Variants in RNLS observed in about 807,000 individuals in gnomAD.
RNLS encodes renalase, FAD dependent amine oxidase.
Under a neutral mutation model 39.8 loss-of-function variants are expected in RNLS, and 39 were observed. The observed-to-expected ratio is 0.98, with a 90% CI of 0.76 to 1.28. The LOEUF (loss-of-function observed/expected upper bound fraction) is 1.28, where lower values mean the gene tolerates loss of function less well. Ranked by LOEUF, RNLS falls within the 50% of genes most tolerant of loss-of-function variation. The probability of loss-of-function intolerance (pLI) is 0.00; values close to 1 mark genes in which losing one functional copy is unlikely to be tolerated. For synonymous variants in RNLS, 147 were observed against 150.7 expected, an observed-to-expected ratio of 0.98 and a Z score of 0.18; for missense variants, 410 against 413.3, an observed-to-expected ratio of 0.99 and a Z score of 0.07.
the RNLS span, among the ~76,000 whole-genome samples, chr10:88,245,380 C>A: frequency 6.6e-6 from 1 of 152,158 alleles, no homozygotes; most frequent in African/African-American, 2.4e-5. Flanking sequence ...GCAGAATGAT[C>A]TCAGGCAAAG....
At chr10:88,303,288 T>TG (rs988592384) in intron 6 of RNLS, among the ~76,000 whole-genome samples, 4 of 152,212 alleles carry the variant, frequency 2.6e-5, no homozygotes, top group African/African-American at 9.6e-5. Context: ...CAGCCAGGGA[T>TG]GGCCATGCCC....
At position 88,509,575 on chromosome 10, in the gene RNLS, G is replaced by C. The variant is rs533623595; in HGVS notation, c.526+63328C>G. ...AAAGATTAAAATATATAAAGCATTT[G>C]ATTGCCTTTTTAAAAATGCCACAAA... On this transcript the variant is annotated intron_variant, in intron 4 of 6. Coordinates refer to ENST00000331772, the MANE Select transcript of RNLS (RefSeq NM_001031709.3). Among the ~76,000 whole-genome samples, 94 of 152,118 alleles carry C rather than the reference G, an allele frequency of 6.2e-4. 1 individual carries two copies. Among genetic ancestry groups the C allele is most frequent in the Non-Finnish European group, 1.0e-3 (71 of 68,004 alleles).
At chr10:88,318,054 C>T (rs1264307673) in intron 5 of RNLS, among the ~76,000 whole-genome samples, 1 of 152,194 alleles carries the variant, frequency 6.6e-6, no homozygotes, top group African/African-American at 2.4e-5. Context: ...GTTAAGCATG[C>T]CTACACTCCC....
At chr10:88,474,565 C>T (rs2062822624) in intron 4 of RNLS, among the ~76,000 whole-genome samples, 1 of 152,114 alleles carries the variant, frequency 6.6e-6, no homozygotes, top group African/African-American at 2.4e-5. Flanking sequence ...AATAATACCT[C>T]TTCAAGTTGG....
At chr10:88,441,173 C>A (rs1841688478) in intron 4 of RNLS, among the ~76,000 whole-genome samples, 1 of 152,118 alleles carries the variant, frequency 6.6e-6, no homozygotes, top group Non-Finnish European at 1.5e-5. Context: ...TTTTCTATGC[C>A]TATTAACGTG....
chr10:88,235,118 C>A, the RNLS span, among the ~76,000 whole-genome samples: 1 of 151,568 alleles, frequency 6.6e-6, no homozygotes, highest in African/African-American at 2.4e-5. Flanking sequence ...AAAAATTAGC[C>A]GGGCGTCGGG....
the RNLS span, among the ~76,000 whole-genome samples, chr10:88,188,282 C>G: frequency 6.6e-6 from 1 of 152,202 alleles, no homozygotes; most frequent in Admixed American, 6.5e-5. Context: ...GCCTCAAACT[C>G]CTGACCTCAA....
At chr10:88,414,016 T>C (rs1351929330) in intron 4 of RNLS, among the ~76,000 whole-genome samples, 1 of 152,170 alleles carries the variant, frequency 6.6e-6, no homozygotes, top group Non-Finnish European at 1.5e-5. Context: ...GGTATTAATA[T>C]AAATATCATG....
intron 4 of RNLS, among the ~76,000 whole-genome samples, chr10:88,487,538 C>T (rs181638340): frequency 6.6e-6 from 1 of 152,216 alleles, no homozygotes; most frequent in East Asian, 1.9e-4. Context: ...GATACCACTA[C>T]ACACTCGTTA....
At chr10:88,370,094 C>T (rs574378112) in intron 4 of RNLS, among the ~76,000 whole-genome samples, 9 of 152,132 alleles carry the variant, frequency 5.9e-5, no homozygotes, top group Admixed American at 2.6e-4. Context: ...TCTAGGAAAG[C>T]ACTCTGAAGC....
intron 4 of RNLS, among the ~76,000 whole-genome samples, chr10:88,366,095 TATAA>T (rs1254947006): frequency 6.6e-6 from 1 of 152,114 alleles, no homozygotes; most frequent in Non-Finnish European, 1.5e-5. Context: ...GAAAGGCCAT[TATAA>T]ATAAATAATC....
chr10:88,219,873 G>T, the RNLS span, among the ~76,000 whole-genome samples: 1 of 152,170 alleles, frequency 6.6e-6, no homozygotes, highest in Non-Finnish European at 1.5e-5. Flanking sequence ...CTGTCCCCCT[G>T]CTCCTGAGCT....
At chr10:88,206,540 C>T in the RNLS span, among the ~76,000 whole-genome samples, 2 of 152,158 alleles carry the variant, frequency 1.3e-5, no homozygotes, top group African/African-American at 2.4e-5. Context: ...AGGGCCCCAA[C>T]TGGCAGGGAC....
chr10:88,417,263 A>C (rs534333325), intron 4 of RNLS, among the ~76,000 whole-genome samples: 1 of 152,306 alleles, frequency 6.6e-6, no homozygotes, highest in South Asian at 2.1e-4. Context: ...GTAGCCTCAA[A>C]CTTGGATTTG....
At chr10:88,519,386 A>C (rs1846583763) in intron 4 of RNLS, among the ~76,000 whole-genome samples, 1 of 151,788 alleles carries the variant, frequency 6.6e-6, no homozygotes. Context: ...CATAATTATC[A>C]TTCCCTTAAT....
At chr10:88,412,633 G>A (rs189416030) in intron 4 of RNLS, among the ~76,000 whole-genome samples, 2 of 152,284 alleles carry the variant, frequency 1.3e-5, no homozygotes. Context: ...GGCGTCATAG[G>A]AAGGTAGTTT....
the RNLS span, among the ~76,000 whole-genome samples, chr10:88,189,178 G>T: frequency 1.3e-5 from 2 of 152,296 alleles, no homozygotes; most frequent in East Asian, 3.9e-4. Flanking sequence ...AAATAAATGT[G>T]TGGGTATGTA....
At chr10:88,363,092 A>C (rs1399296834) in intron 4 of RNLS, among the ~76,000 whole-genome samples, 1 of 152,174 alleles carries the variant, frequency 6.6e-6, no homozygotes, top group Non-Finnish European at 1.5e-5. Flanking sequence ...TATATACTTG[A>C]CATAAGCATT....
intron 4 of RNLS, among the ~76,000 whole-genome samples, chr10:88,532,995 T>C (rs147587695): frequency 6.6e-6 from 1 of 152,144 alleles, no homozygotes; most frequent in Non-Finnish European, 1.5e-5. Context: ...GCTGCAAAAG[T>C]CAAAATCATG....
Sources: gnomAD v4.1 joint callset for allele counts (sites outside exome capture counted in the v4.1 genomes callset) on GRCh38, gnomAD v4.1.1 for gene constraint, MANE v1.5 for transcripts, NCBI Gene and HGNC (gene_info 2026-07-23, HGNC 2026-07-21) for gene names.